The following CNKSR2 variants were observed in gnomAD, a reference collection of about 807,000 sequenced individuals.
CNKSR2 encodes the protein CNK homolog protein 2.
A neutral mutation model predicts 84.4 loss-of-function variants in CNKSR2; 14 were observed. The ratio of observed to expected loss-of-function variants is 0.17; its 90% CI spans 0.11 to 0.26. The LOEUF (loss-of-function observed/expected upper bound fraction) is 0.26, where lower values mean the gene tolerates loss of function less well. CNKSR2 is among the 10% of genes least tolerant of loss of function. The probability of loss-of-function intolerance (pLI) is 1.00; values close to 1 mark genes in which losing one functional copy is unlikely to be tolerated. For missense variants in CNKSR2, 485 were observed against 771.2 expected (o/e 0.63, Z 4.40); for synonymous variants, 275 against 277.9 (o/e 0.99, Z 0.10).
At chrX:21,440,657 G>C in intron 3 of CNKSR2, 37 bp from the exon 4 acceptor site, 1 of 827,085 alleles carries the variant, frequency 1.2e-6, no homozygotes, top group Non-Finnish European at 1.8e-6. Context: ...TTCAAAAGCT[G>C]TTACTAGTAA....
At chrX:21,626,231 A>G (rs779943709) in intron 20 of CNKSR2, among the ~76,000 whole-genome samples, 3 of 97,065 alleles carry the variant, frequency 3.1e-5, no homozygotes, top group South Asian at 5.1e-4. Flanking sequence ...AAAGGAGGGT[A>G]CATTCTAGGT....
At chrX:21,396,424 C>A (rs1296285651) in intron 1 of CNKSR2, among the ~76,000 whole-genome samples, 2 of 110,472 alleles carry the variant, frequency 1.8e-5, no homozygotes, top group Non-Finnish European at 3.8e-5. Flanking sequence ...TCTGTGAATG[C>A]ATCAAACAGA....
chrX:21,482,360 T>C (rs1371618306), intron 5 of CNKSR2, among the ~76,000 whole-genome samples: 1 of 111,922 alleles, frequency 8.9e-6, no homozygotes, highest in African/African-American at 3.3e-5. Context: ...TAGTCTTGAC[T>C]TTTCCATGAA....
At position 21,650,340 on chromosome X, in the gene CNKSR2, C is replaced by T. The variant is rs189358276; in HGVS notation, c.2889+1313C>T. ...TAACACAAGAACAGAAAACCAAACA[C>T]CACATGTTCTCACTCATAAGTGGGA... On this transcript the variant is annotated intron_variant, in intron 21 of 21. Transcript: ENST00000379510. Among the ~76,000 whole-genome samples the T allele has an allele frequency of 5.1e-3, 550 of 106,869 alleles. 2 individuals are homozygous for T. Among genetic ancestry groups the T allele is most frequent in the African/African-American group, 0.018 (519 of 28,977 alleles). 92.8% of individuals were successfully genotyped at this position (106,869 alleles called of 115,157 possible). A position where few individuals can be genotyped will look rare whatever the true frequency, so the allele number is the denominator to read the frequency against.
At chrX:21,613,832 A>C (rs2092562755) in intron 20 of CNKSR2, among the ~76,000 whole-genome samples, 1 of 108,644 alleles carries the variant, frequency 9.2e-6, no homozygotes, top group African/African-American at 3.4e-5. Flanking sequence ...CCCAGCTACT[A>C]GGTGGCTGAG....
chrX:21,601,540 T>C (rs181186231), intron 18 of CNKSR2, among the ~76,000 whole-genome samples, 191 bp downstream of exon 18: 1 of 111,521 alleles, frequency 9.0e-6, no homozygotes, highest in Admixed American at 9.6e-5. Context: ...GAGCAGCTAG[T>C]GTGGAGTTCT....
At chrX:21,538,740 G>A (rs1187003265) in intron 11 of CNKSR2, 3 of 112,669 alleles carry the variant, frequency 2.7e-5, no homozygotes, top group African/African-American at 6.4e-5. Context: ...GTATGTGGCC[G>A]AAGGCCTGAG....
At chrX:21,460,243 G>A (rs935474554) in intron 4 of CNKSR2, among the ~76,000 whole-genome samples, 1 of 111,918 alleles carries the variant, frequency 8.9e-6, no homozygotes, top group Admixed American at 9.5e-5. Flanking sequence ...GTTTTCAGCC[G>A]CTTCTAATTT....
chrX:21,551,006 G>T (rs976993320), intron 11 of CNKSR2, among the ~76,000 whole-genome samples: 2 of 106,946 alleles, frequency 1.9e-5, no homozygotes, highest in Non-Finnish European at 3.9e-5. Flanking sequence ...ACTCCAGCCT[G>T]GGCAACAGAG....
At chrX:21,640,037 A>G (rs1855414463) in intron 20 of CNKSR2, among the ~76,000 whole-genome samples, 1 of 111,481 alleles carries the variant, frequency 9.0e-6, no homozygotes, top group South Asian at 3.8e-4. Flanking sequence ...TTGAAATAGT[A>G]CTTCTCCCTC....
rs1034388569 is a variant in CNKSR2, at chrX:21,654,073, C to G, written c.*1552C>G. On this transcript the variant is annotated 3_prime_UTR_variant, in exon 22 of 22. Transcript: ENST00000379510. Reference sequence around the variant, plus strand: ...GTTTTGCAGACTTTGCACAACTGTACAGGAGAGTGGCCTTTCTACAGCACA... The same window carrying G: ...GTTTTGCAGACTTTGCACAACTGTAGAGGAGAGTGGCCTTTCTACAGCACA... 21 of 110,228 alleles carry G rather than the reference C, an allele frequency of 1.9e-4. No individual in the cohort carries two copies. The highest frequency in any genetic ancestry group is 7.6e-5 in the Non-Finnish European group (4 of 52,824). The allele number at this position is 110,228 out of a possible 1,213,427, so 9.1% of individuals were successfully genotyped here. A position where few individuals can be genotyped will look rare whatever the true frequency, so the allele number is the denominator to read the frequency against.
At chrX:21,513,250 GA>G (rs2091693510) in intron 8 of CNKSR2, among the ~76,000 whole-genome samples, 1 of 111,670 alleles carries the variant, frequency 9.0e-6, no homozygotes, top group Non-Finnish European at 1.9e-5. Flanking sequence ...TGAAATATTA[GA>G]AAGATGTGTA....
At chrX:21,413,818 G>A (rs989688350) in intron 1 of CNKSR2, among the ~76,000 whole-genome samples, 1 of 111,060 alleles carries the variant, frequency 9.0e-6, no homozygotes, top group Non-Finnish European at 1.9e-5. Flanking sequence ...TTACTCCATT[G>A]TGTATATGTA....
intron 17 of CNKSR2, among the ~76,000 whole-genome samples, chrX:21,598,818 G>A (rs1239526666): frequency 1.8e-5 from 2 of 112,558 alleles, no homozygotes. Flanking sequence ...CTGTATCCCA[G>A]GTACCTGGCA....
intron 2 of CNKSR2, chrX:21,428,603 T>C (rs1281690406): frequency 9.0e-6 from 1 of 111,648 alleles, no homozygotes; most frequent in Non-Finnish European, 1.9e-5. Flanking sequence ...AGAGCAAAGA[T>C]ATTAACTGAA....
At chrX:21,565,191 C>A (rs1041613659) in intron 13 of CNKSR2, among the ~76,000 whole-genome samples, 4 of 111,427 alleles carry the variant, frequency 3.6e-5, no homozygotes, top group African/African-American at 1.3e-4. Flanking sequence ...TGGATTTATC[C>A]TGAGAGTAGT....
At chrX:21,548,914 A>C (rs2092056538) in intron 11 of CNKSR2, among the ~76,000 whole-genome samples, 1 of 112,335 alleles carries the variant, frequency 8.9e-6, no homozygotes, top group African/African-American at 3.2e-5. Context: ...TATTGATGGA[A>C]CGTATCTCAA....
intron 20 of CNKSR2, among the ~76,000 whole-genome samples, chrX:21,618,916 C>G (rs2092589820): frequency 8.9e-6 from 1 of 111,777 alleles, no homozygotes; most frequent in South Asian, 3.7e-4. Flanking sequence ...GAGATTTTTT[C>G]TTTCTGATAA....
In CNKSR2 at chrX:21,528,937, T is replaced by C. The variant is rs16981585; in HGVS notation, c.1091+1937T>C. Among the ~76,000 whole-genome samples the C allele has an allele frequency of 9.6e-3, 1,066 of 111,289 alleles. 12 individuals carry two copies. The highest frequency in any genetic ancestry group is 0.031 in the African/African-American group (965 of 30,823). On this transcript the variant is annotated intron_variant, in intron 10 of 21. Transcript: ENST00000379510. ...ATTTTAAGTTGACAGTCAAAACTTT[T>C]TGCAGTCGTGATTATTTTTACAGAT...
Sources: gnomAD v4.1 joint callset for allele counts (sites outside exome capture counted in the v4.1 genomes callset) on GRCh38, gnomAD v4.1.1 for gene constraint, MANE v1.5 for transcripts, NCBI Gene and HGNC (gene_info 2026-07-23, HGNC 2026-07-21) for gene names.